Variants in GRIP2 observed in about 807,000 individuals in gnomAD.
GRIP2 encodes the protein glutamate receptor interacting protein 2.
In GRIP2, 58 loss-of-function variants were observed where a neutral mutation model predicts 108.3. The ratio of observed to expected loss-of-function variants is 0.54; its 90% CI spans 0.43 to 0.67. The LOEUF (loss-of-function observed/expected upper bound fraction) is 0.67, where lower values mean the gene tolerates loss of function less well. Ranked by LOEUF, GRIP2 falls within the 30% of genes least tolerant of loss-of-function variation. The probability of loss-of-function intolerance (pLI) is 0.00; values close to 1 mark genes in which losing one functional copy is unlikely to be tolerated. For missense variants in GRIP2, 1,278 were observed against 1,430.6 expected (o/e 0.89, Z 1.72); for synonymous variants, 586 against 598.2 (o/e 0.98, Z 0.30).
At chr3:14,500,847 G>T (rs7612914) in intron 21 of GRIP2, among the ~76,000 whole-genome samples, 151,704 of 152,264 alleles carry the variant, frequency 1, 75,573 homozygotes, top group Middle Eastern at 1. Context: ...CGTTCATGAA[G>T]TTTGAGCAAT....
intron 1 of GRIP2, among the ~76,000 whole-genome samples, chr3:14,535,559 C>T (rs1274187089): frequency 1.3e-5 from 2 of 152,318 alleles, no homozygotes; most frequent in Non-Finnish European, 1.5e-5. Context: ...ATCCTCACCA[C>T]TTTTGAGGCG....
In GRIP2 at chr3:14,492,075, G is replaced by A. The variant is rs1255198303; in HGVS notation, c.*1590C>T. ...GGCAGGTCCCCAAGGGGGCCTTGGT[G>A]GGTCGGCAGAGATGGTTCCGGCCCT... On this transcript the variant is annotated 3_prime_UTR_variant, in exon 24 of 24. Transcript: ENST00000621039. The A allele has an allele frequency of 1.3e-5, 2 of 152,340 alleles. No homozygotes were observed. Among genetic ancestry groups the A allele is most frequent in the Non-Finnish European group, 2.9e-5 (2 of 68,148 alleles). The allele number at this position is 152,340 out of a possible 1,614,324, so 9.4% of individuals were successfully genotyped here.
At chr3:14,494,727 TGACTCA>T (rs1162278160) in intron 23 of GRIP2, 110 bp downstream of exon 23, 3 of 1,303,530 alleles carry the variant, frequency 2.3e-6, no homozygotes, top group Non-Finnish European at 3.0e-6. Context: ...TTGGCTAACC[TGACTCA>T]GACTTGCATT....
At chr3:14,584,743 G>A in the GRIP2 span, among the ~76,000 whole-genome samples, 1 of 152,184 alleles carries the variant, frequency 6.6e-6, no homozygotes, top group Non-Finnish European at 1.5e-5. Context: ...CTCTCAGACG[G>A]CAGAGAAGGA....
At position 14,493,152 on chromosome 3, in the gene GRIP2, C is replaced by G. The variant is rs1236321868; in HGVS notation, c.*513G>C. 1 of 152,870 alleles carries G rather than the reference C, an allele frequency of 6.5e-6. No individual in the cohort carries two copies. The highest frequency in any genetic ancestry group is 2.4e-5 in the African/African-American group (1 of 41,500). The allele number at this position is 152,870 out of a possible 1,614,324, so 9.5% of individuals were successfully genotyped here. ...AAGTGGCTCCCCATCAGGAAGCCAA[C>G]CCCCAAGCGCGTGTGCACGCATCAT... is the stretch of plus-strand genomic sequence containing the variant. On this transcript the variant is annotated 3_prime_UTR_variant, in exon 24 of 24. Transcript: ENST00000621039.
chr3:14,595,408 A>G, the GRIP2 span, among the ~76,000 whole-genome samples: 2 of 151,950 alleles, frequency 1.3e-5, no homozygotes, highest in East Asian at 3.9e-4. Context: ...CCCCTCCCCC[A>G]CACCCATTTC....
the GRIP2 span, among the ~76,000 whole-genome samples, chr3:14,576,746 C>T: frequency 3.9e-5 from 6 of 152,216 alleles, no homozygotes; most frequent in African/African-American, 1.4e-4. Context: ...CTCTTCAGGC[C>T]GTAGGTTCCA....
Position 14,509,801 on chromosome 3 carries a change from C to T in GRIP2, c.2078+19G>A. 6.9e-7 allele frequency: 1 copy of T among 1,450,068 alleles called. No individual in the cohort carries two copies. Among genetic ancestry groups the T allele is most frequent in the Non-Finnish European group, 9.2e-7 (1 of 1,090,852 alleles). 89.8% of individuals were successfully genotyped at this position (1,450,068 alleles called of 1,614,324 possible). ...TGTTCCCTGAGCCCACCATGCGTCC[C>T]CACAGAGCCCCAGTTCACCTCTCAG... is the stretch of plus-strand genomic sequence containing the variant. On this transcript the variant is annotated intron_variant, in intron 17 of 23. Coordinates refer to ENST00000621039, the MANE Select transcript of GRIP2 (RefSeq NM_001080423.4).
At chr3:14,542,091 GC>G (rs1434611084), upstream of GRIP2, 1 of 1,339,336 alleles carries the variant, frequency 7.5e-7, no homozygotes, top group East Asian at 4.8e-5. Flanking sequence ...TGGCACCCAG[GC>G]AGTTGGAGTT....
At chr3:14,515,738 C>A (rs1694231077) in intron 11 of GRIP2, among the ~76,000 whole-genome samples, 2 of 151,984 alleles carry the variant, frequency 1.3e-5, no homozygotes, top group South Asian at 4.1e-4. Context: ...CGGGTTCAAG[C>A]GATTTTCCCA....
chr3:14,502,507 G>A (rs961788230), intron 21 of GRIP2, among the ~76,000 whole-genome samples: 3 of 151,244 alleles, frequency 2.0e-5, no homozygotes, highest in African/African-American at 2.4e-5. Flanking sequence ...AAAAAAAAGA[G>A]AGAGAGAGAG....
chr3:14,513,545 G>C lies in GRIP2; in HGVS notation c.1639+120C>G. Reference sequence around the variant, plus strand: ...CCACTATAAGCTGCAAAGCCCCTGGGAGAAGGGCACTGGGCACAGAGGGGG... The same window carrying C: ...CCACTATAAGCTGCAAAGCCCCTGGCAGAAGGGCACTGGGCACAGAGGGGG... On this transcript the variant is annotated intron_variant, in intron 13 of 23. Coordinates refer to ENST00000621039, the MANE Select transcript of GRIP2 (RefSeq NM_001080423.4). 4 of 1,304,566 alleles carry C rather than the reference G, an allele frequency of 3.1e-6. No individual in the cohort carries two copies. The South Asian group carries it at 4.4e-5, about 14-fold the overall frequency. The allele number at this position is 1,304,566 out of a possible 1,614,324, so 80.8% of individuals were successfully genotyped here. A position where few individuals can be genotyped will look rare whatever the true frequency, so the allele number is the denominator to read the frequency against.
At position 14,522,132 on chromosome 3, in the gene GRIP2, C is replaced by A; in HGVS notation, c.567-345G>T. Reference sequence around the variant, plus strand: ...TCACCCCCAACTCCTGCCTCAGGGACAAAGGACAGCACCAGGGCCCAGAGA... The same window carrying A: ...TCACCCCCAACTCCTGCCTCAGGGAAAAAGGACAGCACCAGGGCCCAGAGA... On this transcript the variant is annotated intron_variant, in intron 6 of 23. Transcript: ENST00000621039. The surrounding 1 kb of genome is among the most constrained non-coding windows in gnomAD (Gnocchi z 4.3). 1 of 255,788 alleles carries A rather than the reference C, an allele frequency of 3.9e-6. No homozygotes were observed. 15.8% of individuals were successfully genotyped at this position (255,788 alleles called of 1,614,324 possible).
the GRIP2 span, chr3:14,574,218 T>A: frequency 1.2e-6 from 1 of 865,772 alleles, no homozygotes; most frequent in African/African-American, 1.7e-5. Flanking sequence ...CCTGTGGCTG[T>A]CCATGTCCTC....
chr3:14,563,163 C>T, the GRIP2 span, among the ~76,000 whole-genome samples: 6 of 152,026 alleles, frequency 3.9e-5, no homozygotes, highest in Admixed American at 6.6e-5. Context: ...GAAAATTGCA[C>T]GCAGACTGGG....
rs576543416 is a variant in GRIP2 at position 14,507,639 on chromosome 3, G to A, written c.2140C>T (p.Arg714Trp). Residue 714 changes from arginine (R) to tryptophan (W), a missense_variant, in exon 18 of 24, where the codon CGG (arginine) becomes TGG (tryptophan). Transcript: ENST00000621039. This position sits in a 1 kb window ranked among gnomAD's most constrained non-coding sequence, Gnocchi z 4.6. ...AGGTGGATGGCCTCGCTCAGCGGCC[G>A]GCCCTTGAGGCTAACGTTGTTGATG... ...LAINNVSLKGRPLSEAIHLLQ... is the reference protein window; with the variant it reads ...LAINNVSLKGWPLSEAIHLLQ... 5.0e-6 allele frequency: 8 copies of A among 1,613,980 alleles called. No homozygotes were observed. The highest frequency in any genetic ancestry group is 4.5e-5 in the East Asian group (2 of 44,888).
chr3:14,510,049 C>T, intron 16 of GRIP2, 85 bp from the exon 17 acceptor site: 8 of 1,198,060 alleles, frequency 6.7e-6, no homozygotes, highest in Non-Finnish European at 8.7e-6. Context: ...CTCACTCATA[C>T]TTATTTATTA....
chr3:14,572,703 G>T, the GRIP2 span: 1 of 424,264 alleles, frequency 2.4e-6, no homozygotes, highest in Non-Finnish European at 4.4e-6. Flanking sequence ...TTCAACAGAA[G>T]TGAACAAGGC....
chr3:14,581,860 A>G, the GRIP2 span, among the ~76,000 whole-genome samples: 2 of 152,166 alleles, frequency 1.3e-5, no homozygotes, highest in African/African-American at 4.8e-5. Context: ...AAGGCGTGAG[A>G]AGGAACAGGT....
Sources: gnomAD v4.1 joint callset for allele counts (sites outside exome capture counted in the v4.1 genomes callset) on GRCh38, gnomAD v4.1.1 for gene constraint, Gnocchi (gnomAD v3.1) non-coding constraint, MANE v1.5 for transcripts, NCBI Gene and HGNC (gene_info 2026-07-23, HGNC 2026-07-21) for gene names.